Variants in PHACTR1 observed in about 807,000 individuals in gnomAD.
The protein encoded by PHACTR1 is phosphatase and actin regulator 1.
Under a neutral mutation model 69.2 loss-of-function variants are expected in PHACTR1, and 16 were observed. The ratio of observed to expected loss-of-function variants is 0.23; its 90% CI spans 0.16 to 0.35. PHACTR1 has a LOEUF of 0.35. Among genes scored for constraint, PHACTR1 ranks in the 10% least tolerant of loss-of-function variants. PHACTR1 has a pLI of 1.00. For missense variants in PHACTR1, 510 were observed against 734.7 expected (o/e 0.69, Z 3.54); for synonymous variants, 312 against 284.5 (o/e 1.10, Z -0.97).
At chr6:12,983,386 G>A (rs904971043) in intron 4 of PHACTR1, among the ~76,000 whole-genome samples, 31 of 152,268 alleles carry the variant, frequency 2.0e-4, no homozygotes, top group African/African-American at 7.2e-4. Context: ...AAGACATGGA[G>A]AAGTAGAGGG....
chr6:12,793,861 C>T (rs1772642138), intron 4 of PHACTR1, among the ~76,000 whole-genome samples: 1 of 152,192 alleles, frequency 6.6e-6, no homozygotes, highest in African/African-American at 2.4e-5. Flanking sequence ...TACCCAATGG[C>T]AGCTAGTAAT....
intron 4 of PHACTR1, among the ~76,000 whole-genome samples, chr6:13,018,023 G>GTTTT (rs1800432489): frequency 6.6e-6 from 1 of 152,102 alleles, no homozygotes; most frequent in African/African-American, 2.4e-5. Context: ...CTTGCTAGAT[G>GTTTT]TTTTCCCAAG....
intron 4 of PHACTR1, among the ~76,000 whole-genome samples, chr6:13,023,268 T>G (rs1025479405): frequency 6.6e-6 from 1 of 152,162 alleles, no homozygotes; most frequent in African/African-American, 2.4e-5. Context: ...TTGTGGAGTA[T>G]CTTTAGTGTT....
chr6:12,839,731 G>A (rs193061798), intron 4 of PHACTR1, among the ~76,000 whole-genome samples: 22 of 152,194 alleles, frequency 1.4e-4, no homozygotes, highest in Admixed American at 1.1e-3. Flanking sequence ...CATAACACAC[G>A]GTTCGTTAAA....
chr6:12,739,999 C>T (rs920073091), intron 3 of PHACTR1, among the ~76,000 whole-genome samples: 6 of 152,170 alleles, frequency 3.9e-5, no homozygotes, highest in African/African-American at 9.6e-5. Flanking sequence ...CCTTGTGCTC[C>T]GTCCAAGACA....
chr6:13,080,282 T>G (rs577994302), intron 5 of PHACTR1, among the ~76,000 whole-genome samples: 1 of 152,136 alleles, frequency 6.6e-6, no homozygotes, highest in African/African-American at 2.4e-5. Flanking sequence ...TGCTGGAGTT[T>G]AGAATTTTGT....
intron 8 of PHACTR1, among the ~76,000 whole-genome samples, chr6:13,209,649 G>T (rs1231146462): frequency 6.6e-6 from 1 of 152,188 alleles, no homozygotes; most frequent in East Asian, 1.9e-4. Context: ...AATGAAAGGG[G>T]CCTTGAAGAC....
chr6:13,118,316 C>T (rs1818118062), intron 5 of PHACTR1, among the ~76,000 whole-genome samples: 1 of 152,086 alleles, frequency 6.6e-6, no homozygotes, highest in Admixed American at 6.5e-5. Context: ...CCTTCACATC[C>T]TCAGAAAGGC....
intron 5 of PHACTR1, among the ~76,000 whole-genome samples, chr6:13,081,806 G>A (rs540202896): frequency 1.1e-4 from 17 of 152,278 alleles, no homozygotes; most frequent in Non-Finnish European, 1.8e-4. Flanking sequence ...CAGCCTAGGC[G>A]ATGGAGTAAG....
chr6:12,729,832 T>G (rs2127569807), intron 3 of PHACTR1, among the ~76,000 whole-genome samples: 1 of 152,224 alleles, frequency 6.6e-6, no homozygotes, highest in African/African-American at 2.4e-5. Context: ...GGGAGAGGAT[T>G]CTAGAAATAT....
At chr6:13,158,557 C>T (rs890475977) in intron 5 of PHACTR1, among the ~76,000 whole-genome samples, 13 of 152,214 alleles carry the variant, frequency 8.5e-5, no homozygotes, top group African/African-American at 3.1e-4. Flanking sequence ...GGAGCTAGAA[C>T]GTAACATTTT....
At chr6:13,123,764 C>G (rs1819098184) in intron 5 of PHACTR1, among the ~76,000 whole-genome samples, 1 of 152,162 alleles carries the variant, frequency 6.6e-6, no homozygotes, top group Non-Finnish European at 1.5e-5. Context: ...TATGTTGTGA[C>G]TCACACACAC....
rs1461164435 is a variant in PHACTR1 at position 12,894,478 on chromosome 6, G to A, written c.250+144688G>A. 2.6e-5 allele frequency among the ~76,000 whole-genome samples: 4 copies of A among 152,272 alleles called. No homozygotes were observed. In the South Asian group the frequency reaches 6.2e-4, roughly 24 times the overall value. ...AAATTAGCCGGGTGTGGTGGCACAC[G>A]CCTATAATCCCACCTACTTGGGAGG... On this transcript the variant is annotated intron_variant, in intron 4 of 14. Coordinates refer to ENST00000332995, the MANE Select transcript of PHACTR1 (RefSeq NM_030948.6).
At chr6:12,724,080 C>A (rs1377742960) in intron 3 of PHACTR1, among the ~76,000 whole-genome samples, 1 of 152,184 alleles carries the variant, frequency 6.6e-6, no homozygotes, top group Non-Finnish European at 1.5e-5. Flanking sequence ...GTAATCCCAG[C>A]ACTTTGGGAG....
At chr6:13,263,593 C>A (rs1464825285) in intron 10 of PHACTR1, among the ~76,000 whole-genome samples, 1 of 152,298 alleles carries the variant, frequency 6.6e-6, no homozygotes, top group Middle Eastern at 3.4e-3. Flanking sequence ...CTTGAAAGTA[C>A]ATTAAACATT....
chr6:13,064,735 C>T lies in PHACTR1; in HGVS notation c.415+11206C>T, dbSNP rs541548683. On this transcript the variant is annotated intron_variant, in intron 5 of 14. Coordinates refer to ENST00000332995, the MANE Select transcript of PHACTR1 (RefSeq NM_030948.6). ...GAGGAGACGTCTCATGAAGCTTCAG[C>T]GTGGTCTGGGACCCTAGGTCTTTTT... Among the ~76,000 whole-genome samples, 10 of 149,668 alleles carry T rather than the reference C, an allele frequency of 6.7e-5. No homozygotes were observed. The South Asian group carries it at 1.7e-3, about 26-fold the overall frequency.
intron 5 of PHACTR1, among the ~76,000 whole-genome samples, chr6:13,140,007 A>G (rs952199367): frequency 2.0e-5 from 3 of 152,220 alleles, no homozygotes; most frequent in Non-Finnish European, 4.4e-5. Flanking sequence ...GGCAACTTTT[A>G]AAAGTATTTA....
At chr6:12,816,600 C>T (rs1775620019) in intron 4 of PHACTR1, among the ~76,000 whole-genome samples, 1 of 152,192 alleles carries the variant, frequency 6.6e-6, no homozygotes. Flanking sequence ...CTTCTATTCT[C>T]CCAACTTTAG....
At chr6:13,178,313 C>G (rs950258301) in intron 6 of PHACTR1, among the ~76,000 whole-genome samples, 1 of 152,340 alleles carries the variant, frequency 6.6e-6, no homozygotes, top group Admixed American at 6.5e-5. Flanking sequence ...CTCATGCTGT[C>G]TGTCCCATGT....
Sources: allele counts gnomAD v4.1 joint callset (sites outside exome capture counted in the v4.1 genomes callset), GRCh38; gene constraint gnomAD v4.1.1; transcripts MANE v1.5; gene names NCBI Gene and HGNC (gene_info 2026-07-23, HGNC 2026-07-21).